The following BICRAL variants were observed in gnomAD, a reference collection of about 807,000 sequenced individuals.
BICRAL encodes BRD4-interacting chromatin-remodeling complex-associated protein-like.
Under a neutral mutation model 91.8 loss-of-function variants are expected in BICRAL, and 8 were observed. That is an observed-to-expected ratio of 0.09 (90% CI 0.05 to 0.16). BICRAL has a LOEUF of 0.16. Ranked by LOEUF, BICRAL falls within the 10% of genes least tolerant of loss-of-function variation. The probability of loss-of-function intolerance (pLI) is 1.00; values close to 1 mark genes in which losing one functional copy is unlikely to be tolerated. For synonymous variants in BICRAL, 445 were observed against 491.1 expected, an observed-to-expected ratio of 0.91 and a Z score of 1.24; for missense variants, 1,038 against 1,310.9, an observed-to-expected ratio of 0.79 and a Z score of 3.21.
chr6:42,784,608 G>A (rs1348938143), intron 1 of BICRAL, among the ~76,000 whole-genome samples: 1 of 152,128 alleles, frequency 6.6e-6, no homozygotes, highest in East Asian at 1.9e-4. Context: ...TGTCTACCGG[G>A]GAATGAACTA....
rs1372901392 is a variant in BICRAL at position 42,868,384 on chromosome 6, G to A, written c.*2938G>A. The A allele has an allele frequency of 1.3e-5, 2 of 149,206 alleles. No individual in the cohort carries two copies. Among genetic ancestry groups the A allele is most frequent in the African/African-American group, 4.9e-5 (2 of 40,424 alleles). The allele number at this position is 149,206 out of a possible 1,614,324, so 9.2% of individuals were successfully genotyped here. A position where few individuals can be genotyped will look rare whatever the true frequency, so the allele number is the denominator to read the frequency against. ...CATTTTGTAAAAATATTTATAAAAT[G>A]TTTTGTAAAAAAAAAAAAACTATAA... On this transcript the variant is annotated 3_prime_UTR_variant, in exon 13 of 13. Coordinates refer to ENST00000314073, the MANE Select transcript of BICRAL (RefSeq NM_001393499.1).
chr6:42,826,614 C>T (rs1027622247), intron 5 of BICRAL, among the ~76,000 whole-genome samples: 1 of 152,032 alleles, frequency 6.6e-6, no homozygotes, highest in Non-Finnish European at 1.5e-5. Context: ...GAGACTATAT[C>T]GAGATTACTG....
intron 1 of BICRAL, among the ~76,000 whole-genome samples, chr6:42,791,109 G>T (rs542412868): frequency 6.6e-6 from 1 of 152,116 alleles, no homozygotes; most frequent in African/African-American, 2.4e-5. Flanking sequence ...GGAAGGTGGA[G>T]GATGAAAGAG....
chr6:42,843,719 T>G lies in BICRAL; in HGVS notation c.1840-8373T>G, dbSNP rs1224734880. On this transcript the variant is annotated intron_variant, in intron 6 of 12. Coordinates refer to ENST00000314073, the MANE Select transcript of BICRAL (RefSeq NM_001393499.1). ...TGAGGTACCTGTAGGACAGCCAAAT[T>G]ATATGATACACGGCTATATATGCTG... is the stretch of plus-strand genomic sequence containing the variant. 2.6e-5 allele frequency among the ~76,000 whole-genome samples: 4 copies of G among 152,054 alleles called. No individual in the cohort carries two copies. The East Asian group carries it at 7.7e-4, about 29-fold the overall frequency.
rs139145508 is a variant in BICRAL, at chr6:42,868,053, G to A, written c.*2607G>A. 3 of 149,836 alleles carry A rather than the reference G, an allele frequency of 2.0e-5. No homozygotes were observed. The highest frequency in any genetic ancestry group is 2.1e-4 in the South Asian group (1 of 4,756). The allele number at this position is 149,836 out of a possible 1,614,324, so 9.3% of individuals were successfully genotyped here. A position where few individuals can be genotyped will look rare whatever the true frequency, so the allele number is the denominator to read the frequency against. ...TAAGTTTTAGAACTATTTGTACTCAGTAACAAAAATCATTTTCTTTTTTTT... is the reference window on the plus strand; with the variant it reads ...TAAGTTTTAGAACTATTTGTACTCAATAACAAAAATCATTTTCTTTTTTTT... On this transcript the variant is annotated 3_prime_UTR_variant, in exon 13 of 13. Coordinates refer to ENST00000314073, the MANE Select transcript of BICRAL (RefSeq NM_001393499.1).
In BICRAL at chr6:42,829,607, T is replaced by C. The variant is rs1764414314; in HGVS notation, c.1274T>C (p.Leu425Pro). 1 of 1,614,228 alleles carries C rather than the reference T, an allele frequency of 6.2e-7. No individual in the cohort carries two copies. The highest frequency in any genetic ancestry group is 8.5e-7 in the Non-Finnish European group (1 of 1,180,034). The change falls in exon 6 of 13, where the codon CTT becomes CCT. Residue 425 changes from leucine to proline, a missense_variant. By Grantham distance (98) the Leu-to-Pro change is moderately conservative. Coordinates refer to ENST00000314073, the MANE Select transcript of BICRAL (RefSeq NM_001393499.1). ...GTCCAGACTATAAATGGGCAACTTC[T>C]TCAAACTCAACCCTCTCAGCTCATT... The part of the protein sequence containing the change: ...HHVQTINGQL[L>P]QTQPSQLISG...
chr6:42,827,737 T>C (rs1764344183), intron 5 of BICRAL, among the ~76,000 whole-genome samples: 1 of 151,964 alleles, frequency 6.6e-6, no homozygotes, highest in African/African-American at 2.4e-5. Context: ...CAAAAAAATT[T>C]AACTCGGTGT....
Position 42,865,497 on chromosome 6 carries a change from A to AC in BICRAL, c.*55dup, listed in dbSNP as rs1562502610. Reference sequence around the variant, plus strand: ...CCCCGAGACCCCACCCCGAGACCCCACCCCGGACCAGTTACATTCGTTCCT... The same window carrying AC: ...CCCCGAGACCCCACCCCGAGACCCCACCCCCGGACCAGTTACATTCGTTCCT... On this transcript the variant is annotated 3_prime_UTR_variant, in exon 13 of 13. Coordinates refer to ENST00000314073, the MANE Select transcript of BICRAL (RefSeq NM_001393499.1). 1.3e-6 allele frequency: 1 copy of AC among 767,080 alleles called. No homozygotes were observed. 47.5% of individuals were successfully genotyped at this position (767,080 alleles called of 1,614,324 possible).
chr6:42,799,750 TAAAG>T (rs1456038950), intron 1 of BICRAL, among the ~76,000 whole-genome samples: 2 of 152,324 alleles, frequency 1.3e-5, no homozygotes, highest in East Asian at 1.9e-4. Flanking sequence ...TTATGTCTCT[TAAAG>T]AGAGTTTAGA....
intron 6 of BICRAL, among the ~76,000 whole-genome samples, chr6:42,839,724 G>A (rs1433183791): frequency 6.6e-6 from 1 of 152,052 alleles, no homozygotes; most frequent in Non-Finnish European, 1.5e-5. Flanking sequence ...TTAATATATT[G>A]TAATTTATTG....
chr6:42,821,942 A>G (rs1764148583), intron 2 of BICRAL, 76 bp from the exon 3 acceptor site: 1 of 815,754 alleles, frequency 1.2e-6, no homozygotes, highest in African/African-American at 1.7e-5. Context: ...TGTAAGGCAT[A>G]CTTTTGTATT....
rs1284346407 is a variant in BICRAL at position 42,866,845 on chromosome 6, A to C, written c.*1399A>C. ...CATTTCTGTTGTTACCTTTATTCTT[A>C]ATGTCATTGTAACCATCACTTATCT... On this transcript the variant is annotated 3_prime_UTR_variant, in exon 13 of 13. Coordinates refer to ENST00000314073, the MANE Select transcript of BICRAL (RefSeq NM_001393499.1). 3 of 456,166 alleles carry C rather than the reference A, an allele frequency of 6.6e-6. No individual in the cohort carries two copies. Among genetic ancestry groups the C allele is most frequent in the Non-Finnish European group, 1.3e-5 (3 of 226,774 alleles). The allele number at this position is 456,166 out of a possible 1,614,324, so 28.3% of individuals were successfully genotyped here.
At chr6:42,778,478 T>C (rs917310080), upstream of BICRAL, among the ~76,000 whole-genome samples, 2 of 152,348 alleles carry the variant, frequency 1.3e-5, no homozygotes, top group East Asian at 1.9e-4. Context: ...TGTGTATAAG[T>C]ATCTAGCATA....
At position 42,829,372 on chromosome 6, in the gene BICRAL, G is replaced by A; in HGVS notation, c.1039G>A (p.Ala347Thr). Residue 347 changes from alanine to threonine, a missense_variant, in exon 6 of 13, where the codon GCA becomes ACA. By Grantham distance (58) the Ala-to-Thr change is moderately conservative. This residue lies in a region of BICRAL where 532 missense variants were observed against 724.9 expected (regional missense o/e 0.73). Coordinates refer to ENST00000314073, the MANE Select transcript of BICRAL (RefSeq NM_001393499.1). ...ACAACAAGGGATCTCTTTTGCTTCT[G>A]CAAGCTCACCCCAGGGCTCAGTAGT... is the stretch of plus-strand genomic sequence containing the variant. ...HVQQGISFASASSPQGSVVGP... is the reference protein window; with the variant it reads ...HVQQGISFASTSSPQGSVVGP... 1.9e-6 allele frequency: 3 copies of A among 1,614,158 alleles called. No individual in the cohort carries two copies. The South Asian group carries it at 3.3e-5, about 18-fold the overall frequency.
chr6:42,861,099 C>G (rs573465700), intron 11 of BICRAL, among the ~76,000 whole-genome samples: 15 of 152,108 alleles, frequency 9.9e-5, no homozygotes, highest in Non-Finnish European at 1.9e-4. Context: ...GCACTCCAGT[C>G]TGGGCAACAA....
chr6:42,827,085 C>T (rs1254381013), intron 5 of BICRAL, among the ~76,000 whole-genome samples: 1 of 152,196 alleles, frequency 6.6e-6, no homozygotes, highest in Non-Finnish European at 1.5e-5. Context: ...CCGCGCCTGG[C>T]CAATTTCCTC....
At chr6:42,818,918 AGAG>A (rs1764065683) in intron 2 of BICRAL, among the ~76,000 whole-genome samples, 1 of 152,222 alleles carries the variant, frequency 6.6e-6, no homozygotes, top group Non-Finnish European at 1.5e-5. Context: ...TAATTTTTTA[AGAG>A]AGGTAGTCAG....
intron 1 of BICRAL, among the ~76,000 whole-genome samples, chr6:42,807,999 C>T (rs985111014): frequency 6.6e-6 from 1 of 151,952 alleles, no homozygotes; most frequent in South Asian, 2.1e-4. Context: ...AGTCTCCATA[C>T]AAAACACAGC....
chr6:42,768,368 C>A (rs560020794), intron 1 of BICRAL, among the ~76,000 whole-genome samples: 1 of 152,240 alleles, frequency 6.6e-6, no homozygotes, highest in South Asian at 2.1e-4. Context: ...CCTTTTACCC[C>A]ATCGATAGTA....
Sources: allele counts gnomAD v4.1 joint callset (sites outside exome capture counted in the v4.1 genomes callset), GRCh38; gene constraint gnomAD v4.1.1; regional missense constraint gnomAD v4.1.1; transcripts MANE v1.5; gene names NCBI Gene and HGNC (gene_info 2026-07-23, HGNC 2026-07-21).